Variants in ASIC2 observed in about 807,000 individuals in gnomAD.
ASIC2 encodes acid-sensing ion channel 2.
A neutral mutation model predicts 57.3 loss-of-function variants in ASIC2; 25 were observed. That is an observed-to-expected ratio of 0.44 (90% CI 0.32 to 0.61). ASIC2 has a LOEUF of 0.61. Ranked by LOEUF, ASIC2 falls within the 20% of genes least tolerant of loss-of-function variation. The pLI is 0.06. For missense variants in ASIC2, 641 were observed against 738.1 expected (o/e 0.87, Z 1.52); for synonymous variants, 319 against 307.5 (o/e 1.04, Z -0.39).
intron 1 of ASIC2, among the ~76,000 whole-genome samples, chr17:33,468,164 A>G (rs2141917387): frequency 6.6e-6 from 1 of 152,326 alleles, no homozygotes; most frequent in East Asian, 1.9e-4. Context: ...AGGAACTCAT[A>G]AATAGCTGTA....
At chr17:33,914,151 T>C (rs1915532343) in intron 1 of ASIC2, among the ~76,000 whole-genome samples, 1 of 152,190 alleles carries the variant, frequency 6.6e-6, no homozygotes, top group African/African-American at 2.4e-5. Flanking sequence ...CACAACTGGT[T>C]GCTCCATCTC....
intron 1 of ASIC2, among the ~76,000 whole-genome samples, chr17:33,130,858 C>T (rs945009369): frequency 1.2e-4 from 18 of 152,130 alleles, no homozygotes; most frequent in Non-Finnish European, 1.9e-4. Context: ...GATGGGAATC[C>T]AAGTCAGAAT....
intron 1 of ASIC2, among the ~76,000 whole-genome samples, chr17:33,380,509 C>T: frequency 6.6e-6 from 1 of 152,168 alleles, no homozygotes; most frequent in Non-Finnish European, 1.5e-5. Context: ...GACAGGCTTC[C>T]ATCACACAAC....
chr17:33,437,211 A>G (rs1168730191), intron 1 of ASIC2, among the ~76,000 whole-genome samples: 2 of 151,978 alleles, frequency 1.3e-5, no homozygotes, highest in Non-Finnish European at 2.9e-5. Context: ...CAGTGGCAAG[A>G]TCATAGCTCA....
intron 1 of ASIC2, among the ~76,000 whole-genome samples, chr17:33,267,592 C>T (rs1412808280): frequency 6.6e-6 from 1 of 152,190 alleles, no homozygotes; most frequent in Non-Finnish European, 1.5e-5. Flanking sequence ...CAGCAGAGCC[C>T]AAACCCCAAA....
intron 1 of ASIC2, among the ~76,000 whole-genome samples, chr17:33,654,501 TC>T (rs1181385905): frequency 6.6e-6 from 1 of 152,186 alleles, no homozygotes; most frequent in Admixed American, 6.5e-5. Flanking sequence ...ACACTTTCCT[TC>T]TTCAAAATAG....
At chr17:33,950,881 A>T (rs1028104394) in intron 1 of ASIC2, among the ~76,000 whole-genome samples, 19 of 152,064 alleles carry the variant, frequency 1.2e-4, no homozygotes, top group Non-Finnish European at 2.9e-5. Flanking sequence ...TGCTGGCACC[A>T]GCTCAGTGGT....
intron 5 of ASIC2, among the ~76,000 whole-genome samples, chr17:33,024,629 C>G (rs80233828): frequency 0.036 from 5,498 of 152,314 alleles, 146 homozygotes; most frequent in Middle Eastern, 0.075. Flanking sequence ...CTTCAGAACC[C>G]TGTTCTCAAC....
chr17:33,870,062 C>G (rs1163022040), intron 1 of ASIC2, among the ~76,000 whole-genome samples: 1 of 152,020 alleles, frequency 6.6e-6, no homozygotes, highest in African/African-American at 2.4e-5. Flanking sequence ...ATCTCTTGCT[C>G]TGATGGAGCA....
At chr17:34,046,365 G>C (rs1012841113) in intron 1 of ASIC2, among the ~76,000 whole-genome samples, 2 of 152,242 alleles carry the variant, frequency 1.3e-5, no homozygotes, top group African/African-American at 2.4e-5. Flanking sequence ...ACTATAGTTA[G>C]AGGTTTGGAT....
chr17:34,012,493 A>G (rs1180611825), intron 1 of ASIC2, among the ~76,000 whole-genome samples: 1 of 152,144 alleles, frequency 6.6e-6, no homozygotes, highest in Non-Finnish European at 1.5e-5. Context: ...CCTCCCTGTG[A>G]TTCTTGGTCT....
At chr17:33,465,688 G>A (rs1912841437) in intron 1 of ASIC2, among the ~76,000 whole-genome samples, 2 of 152,150 alleles carry the variant, frequency 1.3e-5, no homozygotes, top group Non-Finnish European at 2.9e-5. Flanking sequence ...TGTGGGCTTT[G>A]ATGATAGGTA....
chr17:33,822,752 G>T (rs1000338585), intron 1 of ASIC2, among the ~76,000 whole-genome samples: 1 of 152,180 alleles, frequency 6.6e-6, no homozygotes, highest in Non-Finnish European at 1.5e-5. Flanking sequence ...AATGGCCTGG[G>T]ATGTGGTTGT....
intron 1 of ASIC2, among the ~76,000 whole-genome samples, chr17:33,631,162 G>C (rs8080899): frequency 0.02 from 2,977 of 152,254 alleles, 99 homozygotes; most frequent in African/African-American, 0.066. Flanking sequence ...GCCAGGCAAC[G>C]TACAGGTCAA....
chr17:33,489,493 T>C (rs1009193209), intron 1 of ASIC2, among the ~76,000 whole-genome samples: 2 of 152,190 alleles, frequency 1.3e-5, no homozygotes, highest in Non-Finnish European at 2.9e-5. Context: ...GTCATCTCCT[T>C]GGACACTTCC....
intron 1 of ASIC2, among the ~76,000 whole-genome samples, chr17:33,134,856 A>G (rs1427275622): frequency 2.0e-5 from 3 of 152,154 alleles, no homozygotes; most frequent in Non-Finnish European, 4.4e-5. Context: ...TCAGACTCTA[A>G]TAAGTTCTGT....
chr17:33,358,807 G>A (rs540004151), intron 1 of ASIC2, among the ~76,000 whole-genome samples: 2 of 152,298 alleles, frequency 1.3e-5, no homozygotes, highest in East Asian at 1.9e-4. Flanking sequence ...ATTGCAGAGA[G>A]TTAGGGACCT....
intron 1 of ASIC2, among the ~76,000 whole-genome samples, chr17:33,649,326 T>C (rs1467316297): frequency 6.6e-6 from 1 of 152,126 alleles, no homozygotes; most frequent in African/African-American, 2.4e-5. Context: ...AATAAAATAA[T>C]TACAATCTAA....
chr17:33,055,851 T>A (rs2091995950), intron 3 of ASIC2, among the ~76,000 whole-genome samples: 1 of 152,194 alleles, frequency 6.6e-6, no homozygotes, highest in African/African-American at 2.4e-5. Context: ...AATGGTGGAA[T>A]TAATTGAATA....
Sources: allele counts gnomAD v4.1 joint callset (sites outside exome capture counted in the v4.1 genomes callset), GRCh38; gene constraint gnomAD v4.1.1; transcripts MANE v1.5; gene names NCBI Gene and HGNC (gene_info 2026-07-23, HGNC 2026-07-21).